CRTC2: variants seen among roughly 807,000 people sequenced by gnomAD.
CRTC2 encodes CREB regulated transcription coactivator 2.
CRTC2 carries 25 observed loss-of-function variants against 70.9 expected under a neutral mutation model. The ratio of observed to expected loss-of-function variants is 0.35; its 90% CI spans 0.26 to 0.49. The LOEUF (loss-of-function observed/expected upper bound fraction) is 0.49. Ranked by LOEUF, CRTC2 falls within the 20% of genes least tolerant of loss-of-function variation. The pLI is 0.98. For missense variants in CRTC2, 737 were observed against 882.6 expected (o/e 0.83, Z 2.09); for synonymous variants, 330 against 364.1 (o/e 0.91, Z 1.07).
At chr1:153,951,189 G>T in intron 11 of CRTC2, 71 bp downstream of exon 11, 1 of 1,502,222 alleles carries the variant, frequency 6.7e-7, no homozygotes, top group Non-Finnish European at 9.2e-7. Context: ...GGAAAGGAGG[G>T]TGGGAGGGAA....
At chr1:153,956,075 A>G (rs936350020) in intron 1 of CRTC2, among the ~76,000 whole-genome samples, 2 of 152,234 alleles carry the variant, frequency 1.3e-5, no homozygotes. Flanking sequence ...CACTCTGGAG[A>G]GCACAGGCTT....
Position 153,951,945 on chromosome 1 carries a change from C to T in CRTC2, c.997+73G>A, listed in dbSNP as rs990276946. ...GGTGATCACAGCAGGATCTCAGGTG[C>T]TCAAACCTACCTCCCCTTCATCCCT... On this transcript the variant is annotated intron_variant, in intron 10 of 13. Coordinates refer to ENST00000368633, the MANE Select transcript of CRTC2 (RefSeq NM_181715.3). The T allele has an allele frequency of 6.4e-6, 10 of 1,553,948 alleles. No homozygotes were observed. The East Asian group carries it at 2.2e-4, about 35-fold the overall frequency.
In CRTC2 at chr1:153,951,554, G is replaced by C. The variant is rs544579417; in HGVS notation, c.1110C>G (p.Pro370=). 1.2e-6 allele frequency: 2 copies of C among 1,610,684 alleles called. No homozygotes were observed. The highest frequency in any genetic ancestry group is 1.1e-5 in the South Asian group (1 of 90,682). ...GGGCCAAGGAGGAGGCAGGCAGAGAGGGGTGGCTGTGGGAGCCCTGAAGCT... is the reference window on the plus strand; with the variant it reads ...GGGCCAAGGAGGAGGCAGGCAGAGACGGGTGGCTGTGGGAGCCCTGAAGCT... ...QPQLQGSHSH[P]SLPASSLARH... is the part of the protein sequence containing the mutation. The change falls in exon 11 of 14, where the codon CCC becomes CCG. Residue 370 remains proline, a synonymous_variant. Coordinates refer to ENST00000368633, the MANE Select transcript of CRTC2 (RefSeq NM_181715.3).
chr1:153,949,376 G>A lies in CRTC2; in HGVS notation c.1413C>T (p.Pro471=). ...PTLSSITQGV[P]LDTSKLSTDQ... is the part of the protein sequence containing the mutation. Reference sequence around the variant, plus strand: ...CAGTGGACAGTTTACTGGTATCCAGGGGGACGCCCTGAAAAGAAGTAAAAA... The same window carrying A: ...CAGTGGACAGTTTACTGGTATCCAGAGGGACGCCCTGAAAAGAAGTAAAAA... The change falls in exon 12 of 14, where the codon CCC becomes CCT. Residue 471 remains proline, a synonymous_variant. Coordinates refer to ENST00000368633, the MANE Select transcript of CRTC2 (RefSeq NM_181715.3). The A allele has an allele frequency of 6.2e-7, 1 of 1,607,436 alleles. No individual in the cohort carries two copies. The highest frequency in any genetic ancestry group is 8.5e-7 in the Non-Finnish European group (1 of 1,176,752).
intron 1 of CRTC2, chr1:153,957,989 T>C (rs1421484011): frequency 9.1e-7 from 1 of 1,104,436 alleles, no homozygotes. Context: ...TCCCAGGCCA[T>C]ACCCCAATAC....
rs1211951533 is a variant in CRTC2, at chr1:153,948,641, C to T, written c.1678G>A (p.Glu560Lys). 2 of 1,582,026 alleles carry T rather than the reference C, an allele frequency of 1.3e-6. No homozygotes were observed. The highest frequency in any genetic ancestry group is 1.7e-6 in the Non-Finnish European group (2 of 1,166,106). The change falls in exon 13 of 14, where the codon GAG becomes AAG. Residue 560 changes from glutamate to lysine, a missense_variant. Transcript: ENST00000368633. ...GATGGGCTCTCCATGCTGAACTGCT[C>T]CAGCTATAGACATACAGACAAATCT... ...PMSDFNLGNLEQFSMESPSAS... is the reference protein window; with the variant it reads ...PMSDFNLGNLKQFSMESPSAS...
chr1:153,948,139 C>T lies in CRTC2; in HGVS notation c.2052G>A (p.Glu684=), dbSNP rs1287807411. ...GGAGCCGGTCACTGCGGAATGACTC[C>T]TCCACAGCAGGATCAGGCAGCAGGG... ...PCALLPDPAV[E]ESFRSDRLQ Residue 684 remains glutamate, a synonymous_variant, in exon 14 of 14, where the codon GAG becomes GAA. Transcript: ENST00000368633. 1 of 1,614,062 alleles carries T rather than the reference C, an allele frequency of 6.2e-7. No homozygotes were observed. The highest frequency in any genetic ancestry group is 1.3e-5 in the African/African-American group (1 of 74,914).
chr1:153,958,300 C>G (rs766773584), intron 1 of CRTC2, 45 bp downstream of exon 1: 2 of 1,592,948 alleles, frequency 1.3e-6, no homozygotes, highest in African/African-American at 2.7e-5. Context: ...GTCTCCGCTC[C>G]GTAACTGCTC....
chr1:153,956,495 G>A (rs892298835), intron 1 of CRTC2, among the ~76,000 whole-genome samples: 4 of 152,234 alleles, frequency 2.6e-5, no homozygotes, highest in Non-Finnish European at 4.4e-5. Flanking sequence ...CAGCTGAGGA[G>A]GGGCAAGTTC....
At chr1:153,957,200 A>AG (rs1680663125) in intron 1 of CRTC2, among the ~76,000 whole-genome samples, 1 of 152,016 alleles carries the variant, frequency 6.6e-6, no homozygotes, top group East Asian at 1.9e-4. Context: ...AGAGACTCAA[A>AG]GGGGAAAGGA....
chr1:153,951,245 G>A lies in CRTC2; in HGVS notation c.1404+15C>T, dbSNP rs776587046. 6.2e-7 allele frequency: 1 copy of A among 1,613,020 alleles called. No individual in the cohort carries two copies. The highest frequency in any genetic ancestry group is 8.5e-7 in the Non-Finnish European group (1 of 1,179,530). On this transcript the variant is annotated intron_variant, in intron 11 of 13. Coordinates refer to ENST00000368633, the MANE Select transcript of CRTC2 (RefSeq NM_181715.3). Reference sequence around the variant, plus strand: ...GGAAGGGAGACAGACATGCAGGGAAGGCAGCCACGCATACCTGAGTGATGG... The same window carrying A: ...GGAAGGGAGACAGACATGCAGGGAAAGCAGCCACGCATACCTGAGTGATGG...
Position 153,954,350 on chromosome 1 carries a change from G to A in CRTC2, c.373-34C>T, listed in dbSNP as rs747635036. 14 of 1,513,456 alleles carry A rather than the reference G, an allele frequency of 9.3e-6. No homozygotes were observed. In the Admixed American group the frequency reaches 2.2e-4, roughly 24 times the overall value. The allele number at this position is 1,513,456 out of a possible 1,614,324, so 93.8% of individuals were successfully genotyped here. ...CACCAGTTAAGGAAAAAAGTAGAGAGGACAGATGAGAGAGGCCAAATGAGG... is the reference window on the plus strand; with the variant it reads ...CACCAGTTAAGGAAAAAAGTAGAGAAGACAGATGAGAGAGGCCAAATGAGG... On this transcript the variant is annotated intron_variant, in intron 3 of 13. Transcript: ENST00000368633.
rs764380205 is a variant in CRTC2 at position 153,958,508 on chromosome 1, C to G, written c.-11G>C. ...CCCCGACGTCGCCATCTTCCTTCCC[C>G]GTCCCTCCCTGCCACCCTCCCAGTA... On this transcript the variant is annotated 5_prime_UTR_variant, in exon 1 of 14. Coordinates refer to ENST00000368633, the MANE Select transcript of CRTC2 (RefSeq NM_181715.3). 20 of 1,604,260 alleles carry G rather than the reference C, an allele frequency of 1.2e-5. No individual in the cohort carries two copies. Among genetic ancestry groups the G allele is most frequent in the Non-Finnish European group, 1.6e-5 (19 of 1,174,018 alleles).
chr1:153,958,155 G>C, intron 1 of CRTC2, 190 bp downstream of exon 1: 2 of 1,418,526 alleles, frequency 1.4e-6, no homozygotes, highest in Non-Finnish European at 1.8e-6. Context: ...CCTCTCCGGT[G>C]TTTCGGTCTC....
intron 8 of CRTC2, 51 bp from the exon 9 acceptor site, chr1:153,952,497 A>G: frequency 6.2e-7 from 1 of 1,613,024 alleles, no homozygotes; most frequent in Non-Finnish European, 8.5e-7. Context: ...TCAGCAGAGA[A>G]CCCTGGAAGG....
chr1:153,948,535 TG>T lies in CRTC2; in HGVS notation c.1783del (p.Gln595ArgfsTer11). 1 of 1,612,844 alleles carries T rather than the reference TG, an allele frequency of 6.2e-7. No individual in the cohort carries two copies. Among genetic ancestry groups the T allele is most frequent in the Non-Finnish European group, 8.5e-7 (1 of 1,179,430 alleles). ...LGGEGPMGGP[Q>X]DPHTFNHQNL... ...CTGGTGGTTGAAGGTGTGGGGATCC[TG>T]GGGGCCACCCATTGGCCCCTCACCC... On this transcript the variant is annotated frameshift_variant, in exon 13 of 14. Transcript: ENST00000368633. LOFTEE classifies it high-confidence loss of function.
At chr1:153,957,450 G>A (rs1422323457) in intron 1 of CRTC2, among the ~76,000 whole-genome samples, 1 of 152,082 alleles carries the variant, frequency 6.6e-6, no homozygotes, top group Non-Finnish European at 1.5e-5. Flanking sequence ...TACCACCTAG[G>A]CGGACTCCTA....
intron 3 of CRTC2, 121 bp from the exon 4 acceptor site, chr1:153,954,437 T>C (rs1680521677): frequency 2.7e-6 from 2 of 730,670 alleles, no homozygotes; most frequent in South Asian, 3.1e-5. Flanking sequence ...TCCTCTTCTA[T>C]AAGGGACAAC....
At chr1:153,958,232 G>C in intron 1 of CRTC2, 113 bp downstream of exon 1, 1 of 1,444,800 alleles carries the variant, frequency 6.9e-7, no homozygotes, top group Non-Finnish European at 9.1e-7. Context: ...CGGCGCCCGC[G>C]TCCCCTGCTC....
Sources: allele counts gnomAD v4.1 joint callset (sites outside exome capture counted in the v4.1 genomes callset), GRCh38; gene constraint gnomAD v4.1.1; transcripts MANE v1.5; gene names NCBI Gene and HGNC (gene_info 2026-07-23, HGNC 2026-07-21).